The following ARHGAP21 variants were observed in gnomAD, a reference collection of about 807,000 sequenced individuals.
ARHGAP21 encodes Rho GTPase activating protein 21.
In ARHGAP21, 38 loss-of-function variants were observed where a neutral mutation model predicts 164.6. The observed-to-expected ratio is 0.23, with a 90% CI of 0.18 to 0.30. ARHGAP21 has a LOEUF of 0.30. ARHGAP21 is among the 10% of genes least tolerant of loss of function. The pLI is 1.00. For missense variants in ARHGAP21, 1,822 were observed against 2,370.7 expected, an observed-to-expected ratio of 0.77 and a Z score of 4.81; for synonymous variants, 766 against 857.9, an observed-to-expected ratio of 0.89 and a Z score of 1.87.
chr10:24,651,324 C>A (rs1593166745), intron 4 of ARHGAP21, among the ~76,000 whole-genome samples: 1 of 152,160 alleles, frequency 6.6e-6, no homozygotes, highest in Non-Finnish European at 1.5e-5. Context: ...CAGGCTGGGG[C>A]CCTTCCTACC....
intron 2 of ARHGAP21, among the ~76,000 whole-genome samples, chr10:24,687,438 ATTG>A (rs1352474850): frequency 6.6e-6 from 1 of 152,224 alleles, no homozygotes; most frequent in East Asian, 1.9e-4. Context: ...TTGTTGGGGA[ATTG>A]TTCTTATTTC....
At chr10:24,655,607 C>G (rs1398421545) in intron 4 of ARHGAP21, among the ~76,000 whole-genome samples, 2 of 151,292 alleles carry the variant, frequency 1.3e-5, no homozygotes, top group Non-Finnish European at 2.9e-5. Flanking sequence ...CCCAAAGTGC[C>G]GAGATTGCAG....
rs748826962 is a variant in ARHGAP21, at chr10:24,589,317, A to G, written c.4151-15T>C. The stretch of plus-strand genomic sequence containing the variant: ...AGTAGCTGAATCTGTGAAAAATTAA[A>G]TAAAACATGGTCAGTATTAGCCAAT... On this transcript the variant is annotated splice_polypyrimidine_tract_variant and intron_variant, in intron 24 of 25. Transcript: ENST00000396432. 5.6e-6 allele frequency: 9 copies of G among 1,606,298 alleles called. No individual in the cohort carries two copies. In the South Asian group the frequency reaches 1.0e-4, roughly 18 times the overall value.
At chr10:24,711,048 C>T (rs1436575994) in intron 2 of ARHGAP21, among the ~76,000 whole-genome samples, 5 of 140,986 alleles carry the variant, frequency 3.5e-5, no homozygotes, top group African/African-American at 5.3e-5. Flanking sequence ...GATCCAAGAT[C>T]GCGCCACTGC....
intron 2 of ARHGAP21, among the ~76,000 whole-genome samples, chr10:24,694,736 G>A (rs1843004818): frequency 6.6e-6 from 1 of 152,004 alleles, no homozygotes; most frequent in Non-Finnish European, 1.5e-5. Context: ...ACTTTATGCT[G>A]AATCCTTTAA....
At chr10:24,630,924 T>G in intron 6 of ARHGAP21, among the ~76,000 whole-genome samples, 1 of 152,246 alleles carries the variant, frequency 6.6e-6, no homozygotes, top group East Asian at 1.9e-4. Context: ...ATTTGCTTTT[T>G]TCCCTATGAT....
intron 2 of ARHGAP21, among the ~76,000 whole-genome samples, chr10:24,720,628 T>C (rs1455376437): frequency 1.3e-5 from 2 of 152,226 alleles, no homozygotes; most frequent in African/African-American, 2.4e-5. Context: ...TAATTCGACA[T>C]GAAGTAAGCT....
chr10:24,721,915 A>G lies in ARHGAP21; in HGVS notation c.-16T>C, dbSNP rs1565220077. 5 of 1,613,840 alleles carry G rather than the reference A, an allele frequency of 3.1e-6. No homozygotes were observed. Among genetic ancestry groups the G allele is most frequent in the Non-Finnish European group, 4.2e-6 (5 of 1,179,816 alleles). Reference sequence around the variant, plus strand: ...TGGCCATCATTTCATTTCAAATGACAAAGAAGGGACAAATCCTTTGGAGTC... The same window carrying G: ...TGGCCATCATTTCATTTCAAATGACGAAGAAGGGACAAATCCTTTGGAGTC... On this transcript the variant is annotated 5_prime_UTR_variant, in exon 2 of 26. Coordinates refer to ENST00000396432, the MANE Select transcript of ARHGAP21 (RefSeq NM_020824.4).
chr10:24,595,760 T>C lies in ARHGAP21; in HGVS notation c.3669A>G (p.Leu1223=). ...CAGGGAGTTTTCTGAAGAAGGATTT[T>C]AGTAAACTGCTTATCACATTCAAAT... ...WRDLNVISSL[L]KSFFRKLPEP... is the part of the protein sequence containing the mutation. The change falls in exon 19 of 26, where the codon CTA becomes CTG. Residue 1223 remains leucine, a synonymous_variant. Coordinates refer to ENST00000396432, the MANE Select transcript of ARHGAP21 (RefSeq NM_020824.4). 6.2e-7 allele frequency: 1 copy of C among 1,613,708 alleles called. No individual in the cohort carries two copies. The highest frequency in any genetic ancestry group is 8.5e-7 in the Non-Finnish European group (1 of 1,179,812).
At chr10:24,672,075 G>C (rs1161585090) in intron 2 of ARHGAP21, among the ~76,000 whole-genome samples, 1 of 151,624 alleles carries the variant, frequency 6.6e-6, no homozygotes, top group Non-Finnish European at 1.5e-5. Context: ...CTACCACCTT[G>C]TTTGTCTGCT....
intron 2 of ARHGAP21, among the ~76,000 whole-genome samples, chr10:24,700,456 C>T (rs563342356): frequency 5.9e-5 from 9 of 152,198 alleles, no homozygotes; most frequent in Non-Finnish European, 1.0e-4. Flanking sequence ...CCTCGGAGTT[C>T]TCAGCCTAAA....
intron 2 of ARHGAP21, among the ~76,000 whole-genome samples, chr10:24,687,034 G>A (rs893438025): frequency 6.6e-5 from 10 of 152,098 alleles, no homozygotes; most frequent in Admixed American, 3.9e-4. Flanking sequence ...TGGCCAACAT[G>A]GTGAAACCCC....
At chr10:24,642,514 CAAAAAAAAAAAAA>C (rs57154901) in intron 4 of ARHGAP21, among the ~76,000 whole-genome samples, 4 of 47,904 alleles carry the variant, frequency 8.4e-5, no homozygotes, top group Admixed American at 8.3e-4. Flanking sequence ...GACTCCGTCT[CAAAAAAAAAAAAA>C]AAAAAAAAGG....
At chr10:24,634,661 T>G (rs1836192470) in intron 5 of ARHGAP21, among the ~76,000 whole-genome samples, 1 of 152,214 alleles carries the variant, frequency 6.6e-6, no homozygotes, top group South Asian at 2.1e-4. Flanking sequence ...AATCCAAGAT[T>G]ATTTCACTTA....
chr10:24,584,612 G>A lies in ARHGAP21; in HGVS notation c.5677C>T (p.His1893Tyr), dbSNP rs1233095037. ...CTGGAAGAACTGCCTGTGTTGCAAT[G>A]AAGAGACAAAGGTGTGTCGGTCGTG... ...IATTDTPLSLHCNTGSSSSTL... is the reference protein window; with the variant it reads ...IATTDTPLSLYCNTGSSSSTL... The change falls in exon 26 of 26, where the codon CAT (histidine) becomes TAT (tyrosine). Residue 1893 changes from histidine (H) to tyrosine (Y), a missense_variant. Physicochemically the swap from His to Tyr is moderately conservative, Grantham distance 83. This residue lies in a region of ARHGAP21 where 165 missense variants were observed against 176.6 expected (regional missense o/e 0.93). Transcript: ENST00000396432. 4 of 1,613,972 alleles carry A rather than the reference G, an allele frequency of 2.5e-6. No individual in the cohort carries two copies. Among genetic ancestry groups the A allele is most frequent in the Non-Finnish European group, 8.5e-7 (1 of 1,179,864 alleles).
In ARHGAP21 at chr10:24,604,345, G is replaced by C. The variant is rs2076937527; in HGVS notation, c.2688C>G (p.Ser896=). The change falls in exon 12 of 26, where the codon TCC becomes TCG. Residue 896 remains serine (S), a synonymous_variant. Coordinates refer to ENST00000396432, the MANE Select transcript of ARHGAP21 (RefSeq NM_020824.4). Reference sequence around the variant, plus strand: ...CCTTCAGACTAGATACGTGCTTAAAGGACCTGTTGGGGAAAAAATATATAA... The same window carrying C: ...CCTTCAGACTAGATACGTGCTTAAACGACCTGTTGGGGAAAAAATATATAA... ...LDDYREDAKL[S]FKHVSSLKGI... 1.3e-6 allele frequency: 2 copies of C among 1,588,228 alleles called. No homozygotes were observed. Among genetic ancestry groups the C allele is most frequent in the African/African-American group, 1.4e-5 (1 of 73,902 alleles).
intron 2 of ARHGAP21, among the ~76,000 whole-genome samples, chr10:24,703,354 T>C (rs886516528): frequency 6.6e-6 from 1 of 152,196 alleles, no homozygotes; most frequent in African/African-American, 2.4e-5. Flanking sequence ...ATAATAATTG[T>C]AAGCATGTAT....
chr10:24,634,910 A>G (rs991433807), intron 5 of ARHGAP21, 101 bp downstream of exon 5: 41 of 814,674 alleles, frequency 5.0e-5, no homozygotes, highest in Non-Finnish European at 7.5e-5. Flanking sequence ...AGGAAGAAGC[A>G]TACAGAAAGA....
intron 2 of ARHGAP21, among the ~76,000 whole-genome samples, chr10:24,687,908 GATT>G (rs944619560): frequency 6.6e-6 from 1 of 152,204 alleles, no homozygotes; most frequent in Admixed American, 6.5e-5. Flanking sequence ...TCTTGACTAT[GATT>G]ATCAGAAACT....
Sources: gnomAD v4.1 joint callset for allele counts (sites outside exome capture counted in the v4.1 genomes callset) on GRCh38, gnomAD v4.1.1 for gene constraint, gnomAD v4.1.1 regional missense constraint, MANE v1.5 for transcripts, NCBI Gene and HGNC (gene_info 2026-07-23, HGNC 2026-07-21) for gene names.